The following MARCHF6 variants were observed in gnomAD, a reference collection of about 807,000 sequenced individuals.
MARCHF6 encodes the protein E3 ubiquitin-protein ligase MARCHF6.
Under a neutral mutation model 133.7 loss-of-function variants are expected in MARCHF6, and 31 were observed. The ratio of observed to expected loss-of-function variants is 0.23; its 90% CI spans 0.17 to 0.31. The LOEUF is 0.31. MARCHF6 is among the 10% of genes least tolerant of loss of function. MARCHF6 has a pLI of 1.00. For missense variants in MARCHF6, 723 were observed against 1,121.6 expected (o/e 0.64, Z 5.08); for synonymous variants, 395 against 402.5 (o/e 0.98, Z 0.22).
At chr5:10,384,369 C>G (rs979525208) in intron 4 of MARCHF6, among the ~76,000 whole-genome samples, 60 of 151,728 alleles carry the variant, frequency 4.0e-4, no homozygotes, top group African/African-American at 1.4e-3. Context: ...AAGATATTTG[C>G]AGTACCCATA....
rs755279989 is a variant in MARCHF6 at position 10,390,475 on chromosome 5, A to G, written c.551A>G (p.Asn184Ser). 7.4e-6 allele frequency: 12 copies of G among 1,613,832 alleles called. No individual in the cohort carries two copies. The highest frequency in any genetic ancestry group is 1.1e-5 in the South Asian group (1 of 91,042). Residue 184 changes from asparagine to serine, a missense_variant, in exon 6 of 26, where the codon AAT (asparagine) becomes AGT (serine). By Grantham distance (46) the Asn-to-Ser change is conservative. Coordinates refer to ENST00000274140, the MANE Select transcript of MARCHF6 (RefSeq NM_005885.4). ...TTGGAGCATGCTGCCCCACCGTTCA[A>G]TGCTGCGGGGCATCACCAAAATGAG... is the stretch of plus-strand genomic sequence containing the variant. ...IWLEHAAPPF[N>S]AAGHHQNEAP...
At chr5:10,383,292 TCTA>T (rs1737265847) in intron 4 of MARCHF6, among the ~76,000 whole-genome samples, 1 of 152,176 alleles carries the variant, frequency 6.6e-6, no homozygotes, top group African/African-American at 2.4e-5. Context: ...GTCTAGTCTG[TCTA>T]GTAAGTAGTT....
At chr5:10,375,014 C>T (rs941116973) in intron 1 of MARCHF6, among the ~76,000 whole-genome samples, 11 of 152,354 alleles carry the variant, frequency 7.2e-5, no homozygotes, top group Admixed American at 5.9e-4. Flanking sequence ...TCACAGCCCT[C>T]GCTTGCTCTC....
intron 9 of MARCHF6, among the ~76,000 whole-genome samples, chr5:10,396,169 A>G (rs140699667): frequency 1.3e-5 from 2 of 152,320 alleles, no homozygotes; most frequent in East Asian, 3.9e-4. Context: ...TATGAATTCA[A>G]TGCCTATGAA....
chr5:10,381,109 C>T (rs758624294), intron 3 of MARCHF6, among the ~76,000 whole-genome samples: 6 of 151,988 alleles, frequency 3.9e-5, no homozygotes, highest in Admixed American at 6.6e-5. Context: ...ATGTTCTTTC[C>T]GAGCTACCTG....
At chr5:10,371,581 C>T (rs1202892240) in intron 1 of MARCHF6, among the ~76,000 whole-genome samples, 2 of 152,098 alleles carry the variant, frequency 1.3e-5, no homozygotes, top group African/African-American at 4.8e-5. Context: ...TTCACTATCA[C>T]GAGAACAGCA....
At chr5:10,364,508 G>GC (rs558791983) in intron 1 of MARCHF6, among the ~76,000 whole-genome samples, 130 of 152,256 alleles carry the variant, frequency 8.5e-4, no homozygotes, top group African/African-American at 2.8e-3. Flanking sequence ...AAGTTTAACT[G>GC]CCCCTAGCCA....
At chr5:10,420,606 C>T (rs546500744) in intron 22 of MARCHF6, among the ~76,000 whole-genome samples, 2 of 152,290 alleles carry the variant, frequency 1.3e-5, no homozygotes, top group South Asian at 4.1e-4. Flanking sequence ...GTTAGCCAGG[C>T]CTTAGTGTTC....
rs375343711 is a variant in MARCHF6 at position 10,365,791 on chromosome 5, A to G, written c.19+11874A>G. On this transcript the variant is annotated intron_variant, in intron 1 of 25. Transcript: ENST00000274140. ...GACGAGAAAGGAAGAAAAATTACCC[A>G]TGTTCTCGTCTGACCAATTACAGTG... Among the ~76,000 whole-genome samples the G allele has an allele frequency of 6.6e-5, 10 of 152,140 alleles. No individual in the cohort carries two copies. In the South Asian group the frequency reaches 1.7e-3, roughly 25 times the overall value.
At position 10,414,471 on chromosome 5, in the gene MARCHF6, G is replaced by A; in HGVS notation, c.1935G>A (p.Leu645=). The change falls in exon 20 of 26, where the codon CTG becomes CTA. Residue 645 remains leucine (L), a synonymous_variant. Coordinates refer to ENST00000274140, the MANE Select transcript of MARCHF6 (RefSeq NM_005885.4). ...LLIVFMCITL[L]IASLICLTLP... ...TTGTCTTCATGTGTATAACATTACT[G>A]ATTGCCAGCCTCATCTGCCTTACTT... 1 of 1,613,670 alleles carries A rather than the reference G, an allele frequency of 6.2e-7. No individual in the cohort carries two copies. The highest frequency in any genetic ancestry group is 8.5e-7 in the Non-Finnish European group (1 of 1,179,732).
At chr5:10,430,997 C>T (rs910825881) in intron 25 of MARCHF6, among the ~76,000 whole-genome samples, 1 of 152,194 alleles carries the variant, frequency 6.6e-6, no homozygotes, top group Non-Finnish European at 1.5e-5. Context: ...CCATCTCAGT[C>T]GGCCAAGAGA....
intron 1 of MARCHF6, among the ~76,000 whole-genome samples, chr5:10,366,518 C>T (rs1736148106): frequency 1.3e-5 from 2 of 152,148 alleles, no homozygotes; most frequent in Non-Finnish European, 2.9e-5. Flanking sequence ...ATGACAGTTA[C>T]TGCTGTTACT....
intron 1 of MARCHF6, among the ~76,000 whole-genome samples, chr5:10,370,836 A>T (rs1317190961): frequency 6.6e-6 from 1 of 152,106 alleles, no homozygotes; most frequent in Non-Finnish European, 1.5e-5. Context: ...CTACCTGGTT[A>T]TTTTTTATCT....
At position 10,437,620 on chromosome 5, in the gene MARCHF6, A is replaced by G. The variant is rs1282743552; in HGVS notation, c.*3936A>G. The stretch of plus-strand genomic sequence containing the variant: ...CTCATTTTGTAGTCATGAAAGTAAC[A>G]TAGTACCTTAAATAAAAATGTAATG... On this transcript the variant is annotated 3_prime_UTR_variant, in exon 26 of 26. Transcript: ENST00000274140. 1.3e-5 allele frequency: 2 copies of G among 152,248 alleles called. No homozygotes were observed. Among genetic ancestry groups the G allele is most frequent in the South Asian group, 4.1e-4 (2 of 4,834 alleles). 9.4% of individuals were successfully genotyped at this position (152,248 alleles called of 1,614,324 possible).
chr5:10,389,903 A>G (rs1007063219), intron 5 of MARCHF6, among the ~76,000 whole-genome samples: 2 of 152,214 alleles, frequency 1.3e-5, no homozygotes. Flanking sequence ...TAAAATAAAG[A>G]TACAGAAACT....
rs1188144072 is a variant in MARCHF6, at chr5:10,422,333, A to G, written c.2284-1402A>G. On this transcript the variant is annotated intron_variant, in intron 22 of 25. Transcript: ENST00000274140. ...AATGTGAGGCAGCATTGATACAAAA[A>G]CAGGAGAAAATTTAACTGAATTGAA... 2.6e-5 allele frequency among the ~76,000 whole-genome samples: 4 copies of G among 152,230 alleles called. No individual in the cohort carries two copies. The East Asian group carries it at 7.7e-4, about 29-fold the overall frequency.
chr5:10,421,093 A>G (rs1367887047), intron 22 of MARCHF6, among the ~76,000 whole-genome samples: 2 of 152,228 alleles, frequency 1.3e-5, no homozygotes, highest in African/African-American at 2.4e-5. Flanking sequence ...TGGTCTTTAC[A>G]GTACTCAGCA....
intron 22 of MARCHF6, among the ~76,000 whole-genome samples, chr5:10,422,239 A>C (rs1197616435): frequency 6.6e-6 from 1 of 152,162 alleles, no homozygotes; most frequent in African/African-American, 2.4e-5. Flanking sequence ...GAAATTGAGA[A>C]AGAGAAATGT....
intron 3 of MARCHF6, 131 bp downstream of exon 3, chr5:10,378,963 T>G (rs1736957162): frequency 1.9e-6 from 1 of 522,078 alleles, no homozygotes; most frequent in Non-Finnish European, 3.4e-6. Context: ...TATTTTCAGC[T>G]TGATTTTTTT....
Sources: gnomAD v4.1 joint callset for allele counts (sites outside exome capture counted in the v4.1 genomes callset) on GRCh38, gnomAD v4.1.1 for gene constraint, MANE v1.5 for transcripts, NCBI Gene and HGNC (gene_info 2026-07-23, HGNC 2026-07-21) for gene names.